Variants in OR6K3 observed in about 807,000 individuals in gnomAD.
The protein encoded by OR6K3 is olfactory receptor 6K3.
For synonymous variants in OR6K3, 169 were observed against 137.7 expected (o/e 1.23, Z -1.59); for missense variants, 396 against 382.5 (o/e 1.04, Z -0.29).
At chr1:158,720,284 G>C (rs1458340027) in intron 1 of OR6K3, among the ~76,000 whole-genome samples, 3 of 151,910 alleles carry the variant, frequency 2.0e-5, no homozygotes, top group Non-Finnish European at 4.4e-5. Context: ...TTAATATGTA[G>C]AGACGGTAGG....
intron 1 of OR6K3, among the ~76,000 whole-genome samples, chr1:158,720,208 C>T (rs561058295): frequency 5.3e-5 from 8 of 152,086 alleles, no homozygotes; most frequent in African/African-American, 1.9e-4. Context: ...TTTACCTTCT[C>T]TAGACTATAG....
In OR6K3 at chr1:158,717,428, A is replaced by C; in HGVS notation, c.688T>G (p.Ser230Ala). The C allele has an allele frequency of 6.2e-7, 1 of 1,613,756 alleles. No homozygotes were observed. Among genetic ancestry groups the C allele is most frequent in the Non-Finnish European group, 8.5e-7 (1 of 1,179,798 alleles). ...IVTVILRIPS[S>A]EGRQKAFSTC... ...GAAAAAGCCTTTTGCCTCCCTTCAG[A>C]AGAGGGAATCCTCAATATCACAGTG... The change falls in exon 2 of 2, where the codon TCT (serine) becomes GCT (alanine). Residue 230 changes from serine to alanine, a missense_variant. Coordinates refer to ENST00000368145, the MANE Select transcript of OR6K3 (RefSeq NM_001005327.3).
chr1:158,718,470 T>TA (rs1043696160), intron 1 of OR6K3, among the ~76,000 whole-genome samples: 3 of 151,358 alleles, frequency 2.0e-5, no homozygotes, highest in East Asian at 2.0e-4. Context: ...GTTTTAATAA[T>TA]AAAAAAACTA....
chr1:158,721,102 A>G (rs1656273492), upstream of OR6K3, among the ~76,000 whole-genome samples: 1 of 152,026 alleles, frequency 6.6e-6, no homozygotes, highest in Admixed American at 6.6e-5. Flanking sequence ...AGATTTGGAA[A>G]GCCTGGAAGG....
Position 158,717,047 on chromosome 1 carries a change from G to A in OR6K3, c.*121C>T, listed in dbSNP as rs1221266129. On this transcript the variant is annotated 3_prime_UTR_variant, in exon 2 of 2. Transcript: ENST00000368145. ...GCAGGAGAATTGTTCAAAACCAGGA[G>A]GTGGAGGTTGCAGTGAGCCAAGATC... The A allele has an allele frequency of 2.8e-6, 2 of 710,528 alleles. No homozygotes were observed. The highest frequency in any genetic ancestry group is 5.0e-6 in the Non-Finnish European group (2 of 403,862). 44.0% of individuals were successfully genotyped at this position (710,528 alleles called of 1,614,324 possible). A position where few individuals can be genotyped will look rare whatever the true frequency, so the allele number is the denominator to read the frequency against.
At position 158,716,608 on chromosome 1, in the gene OR6K3, T is replaced by G. The variant is rs1656151662; in HGVS notation, c.*560A>C. The G allele has an allele frequency of 6.5e-6, 1 of 152,824 alleles. No homozygotes were observed. The highest frequency in any genetic ancestry group is 2.1e-4 in the South Asian group (1 of 4,856). 9.5% of individuals were successfully genotyped at this position (152,824 alleles called of 1,614,324 possible). A position where few individuals can be genotyped will look rare whatever the true frequency, so the allele number is the denominator to read the frequency against. ...ACCCTCTAAAGTGGCAAACAAATTTTCTTTAACCACAGCATTTCAGAAGAA... is the reference window on the plus strand; with the variant it reads ...ACCCTCTAAAGTGGCAAACAAATTTGCTTTAACCACAGCATTTCAGAAGAA... On this transcript the variant is annotated 3_prime_UTR_variant, in exon 2 of 2. Transcript: ENST00000368145.
At chr1:158,723,243 A>ATCTG (rs1233288526), upstream of OR6K3, among the ~76,000 whole-genome samples, 1 of 151,786 alleles carries the variant, frequency 6.6e-6, no homozygotes, top group Non-Finnish European at 1.5e-5. Context: ...CTATCTATCT[A>ATCTG]TCTATCTATC....
chr1:158,720,495 C>T (rs1304800590), intron 1 of OR6K3, among the ~76,000 whole-genome samples, 188 bp downstream of exon 1: 2 of 151,968 alleles, frequency 1.3e-5, no homozygotes, highest in African/African-American at 4.8e-5. Context: ...CATGCTGTTT[C>T]ATATATACCC....
chr1:158,724,454 C>T (rs140993349), upstream of OR6K3: 231 of 233,712 alleles, frequency 9.9e-4, no homozygotes, highest in South Asian at 1.7e-3. Context: ...ATGGCCACAG[C>T]ATGGATCACA....
rs1656158291 is a variant in OR6K3 at position 158,716,924 on chromosome 1, C to G, written c.*244G>C. 2.6e-6 allele frequency: 1 copy of G among 379,170 alleles called. No homozygotes were observed. The highest frequency in any genetic ancestry group is 2.1e-5 in the African/African-American group (1 of 48,498). The allele number at this position is 379,170 out of a possible 1,614,324, so 23.5% of individuals were successfully genotyped here. A position where few individuals can be genotyped will look rare whatever the true frequency, so the allele number is the denominator to read the frequency against. ...CCTAAGGTCAGGAGTTCAAGACCAG[C>G]CTGACCAACACAGTGAAACCCCATC... is the stretch of plus-strand genomic sequence containing the variant. On this transcript the variant is annotated 3_prime_UTR_variant, in exon 2 of 2. Coordinates refer to ENST00000368145, the MANE Select transcript of OR6K3 (RefSeq NM_001005327.3).
At position 158,717,297 on chromosome 1, in the gene OR6K3, A is replaced by G; in HGVS notation, c.819T>C (p.Ile273=). 2 of 1,613,698 alleles carry G rather than the reference A, an allele frequency of 1.2e-6. No individual in the cohort carries two copies. Among genetic ancestry groups the G allele is most frequent in the South Asian group, 2.2e-5 (2 of 91,074 alleles). The part of the protein sequence containing the change: ...DTYPPVLDTA[I]ALMFTVLAPF... The stretch of plus-strand genomic sequence containing the variant: ...GAGCAAGTACAGTAAACATCAGTGC[A>G]ATGGCTGTGTCCAAAACTGGTGGAT... Residue 273 remains isoleucine, a synonymous_variant, in exon 2 of 2, where the codon ATT becomes ATC. Coordinates refer to ENST00000368145, the MANE Select transcript of OR6K3 (RefSeq NM_001005327.3).
rs1656149923 is a variant in OR6K3, at chr1:158,716,540, AG to A, written c.*627del. ...TACCTAAATAGACACATACTACCACAGAGCACATTGTCAGCTTCTGAAGCTC... is the reference window on the plus strand; with the variant it reads ...TACCTAAATAGACACATACTACCACAAGCACATTGTCAGCTTCTGAAGCTC... On this transcript the variant is annotated 3_prime_UTR_variant, in exon 2 of 2. Coordinates refer to ENST00000368145, the MANE Select transcript of OR6K3 (RefSeq NM_001005327.3). 1 of 152,228 alleles carries A rather than the reference AG, an allele frequency of 6.6e-6. No individual in the cohort carries two copies. The highest frequency in any genetic ancestry group is 6.6e-5 in the Admixed American group (1 of 15,258). 9.4% of individuals were successfully genotyped at this position (152,228 alleles called of 1,614,324 possible). A position where few individuals can be genotyped will look rare whatever the true frequency, so the allele number is the denominator to read the frequency against.
In OR6K3 at chr1:158,717,836, T is replaced by C; in HGVS notation, c.280A>G (p.Met94Val). Reference protein sequence around the residue: ...NLISEKKAISMTGCILQMYFF... With the variant: ...NLISEKKAISVTGCILQMYFF... ...TACATCTGCAAGATGCAGCCAGTCA[T>C]TGAGATGGCCTTCTTTTCACTGATG... Residue 94 changes from methionine (M) to valine (V), a missense_variant, in exon 2 of 2, where the codon ATG (methionine) becomes GTG (valine). Transcript: ENST00000368145. The C allele has an allele frequency of 1.2e-6, 2 of 1,613,770 alleles. No homozygotes were observed. The highest frequency in any genetic ancestry group is 1.3e-5 in the African/African-American group (1 of 74,984).
At chr1:158,724,839 T>A (rs184102006), upstream of OR6K3, 118 of 218,808 alleles carry the variant, frequency 5.4e-4, 1 homozygote, top group East Asian at 0.013. Flanking sequence ...TTGTGGCAGT[T>A]GTGTACCAGA....
At position 158,717,338 on chromosome 1, in the gene OR6K3, G is replaced by T. The variant is rs141674620; in HGVS notation, c.778C>A (p.Arg260Ser). The part of the protein sequence containing the change: ...FFGSVSLMYL[R>S]FSDTYPPVLD... ...ACTGGTGGATAAGTGTCGCTGAAACGCAAGTACATGAGTGATACACTGCCA... is the reference window on the plus strand; with the variant it reads ...ACTGGTGGATAAGTGTCGCTGAAACTCAAGTACATGAGTGATACACTGCCA... Residue 260 changes from arginine (R) to serine (S), a missense_variant, in exon 2 of 2, where the codon CGT (arginine) becomes AGT (serine). Physicochemically the swap from Arg to Ser is moderately radical, Grantham distance 110. Transcript: ENST00000368145. 1.7e-5 allele frequency: 27 copies of T among 1,613,732 alleles called. No homozygotes were observed. The Middle Eastern group carries it at 5.0e-4, about 30-fold the overall frequency.
chr1:158,718,312 T>C (rs1656216473), intron 1 of OR6K3, 180 bp from the exon 2 acceptor site: 1 of 471,192 alleles, frequency 2.1e-6, no homozygotes, highest in Non-Finnish European at 3.7e-6. Flanking sequence ...CAAACATTTT[T>C]TTTTGTATCA....
upstream of OR6K3, among the ~76,000 whole-genome samples, chr1:158,721,573 A>C (rs1331459896): frequency 2.0e-5 from 3 of 151,928 alleles, no homozygotes; most frequent in Non-Finnish European, 4.4e-5. Context: ...AAATGTCAAC[A>C]GGCCACATTG....
chr1:158,717,173 C>T lies in OR6K3; in HGVS notation c.943G>A (p.Gly315Ser), dbSNP rs973411441. The T allele has an allele frequency of 6.2e-7, 1 of 1,605,404 alleles. No homozygotes were observed. The highest frequency in any genetic ancestry group is 1.3e-5 in the African/African-American group (1 of 74,680). Residue 315 changes from glycine to serine, a missense_variant, in exon 2 of 2, where the codon GGT (glycine) becomes AGT (serine). Gly to Ser is a moderately conservative substitution (Grantham distance 56). Coordinates refer to ENST00000368145, the MANE Select transcript of OR6K3 (RefSeq NM_001005327.3). ...AGGGAACCTGTGGCTCTGTATTAAC[C>T]TCCAGGCTTGTTCAACACTTTTTGA... is the stretch of plus-strand genomic sequence containing the variant. ...CLQKVLNKPG[G>S]
upstream of OR6K3, among the ~76,000 whole-genome samples, chr1:158,721,837 C>A (rs1194299856): frequency 6.6e-6 from 1 of 151,844 alleles, no homozygotes; most frequent in Admixed American, 6.6e-5. Context: ...ATCTTCCAGG[C>A]AATCTTACAA....
Sources: gnomAD v4.1 joint callset for allele counts (sites outside exome capture counted in the v4.1 genomes callset) on GRCh38, gnomAD v4.1.1 for gene constraint, MANE v1.5 for transcripts, NCBI Gene and HGNC (gene_info 2026-07-23, HGNC 2026-07-21) for gene names.